TECPR2: variants seen among roughly 807,000 people sequenced by gnomAD.
The protein encoded by TECPR2 is tectonin beta-propeller repeat-containing protein 2.
Under a neutral mutation model 138.1 loss-of-function variants are expected in TECPR2, and 65 were observed. That is an observed-to-expected ratio of 0.47 (90% CI 0.39 to 0.58). TECPR2 has a LOEUF of 0.58. TECPR2 is among the 20% of genes least tolerant of loss of function. The pLI is 0.00. For missense variants in TECPR2, 1,553 were observed against 1,824.5 expected (o/e 0.85, Z 2.71); for synonymous variants, 746 against 749.8 (o/e 0.99, Z 0.08).
chr14:102,377,383 C>A (rs1394105125), intron 2 of TECPR2, among the ~76,000 whole-genome samples: 1 of 152,198 alleles, frequency 6.6e-6, no homozygotes, highest in Non-Finnish European at 1.5e-5. Context: ...TGGTCTTGAA[C>A]TCCTCGGCTC....
chr14:102,481,001 C>T (rs1298375033), intron 17 of TECPR2, among the ~76,000 whole-genome samples: 2 of 150,422 alleles, frequency 1.3e-5, no homozygotes, highest in African/African-American at 2.4e-5. Flanking sequence ...CCCGCCACCA[C>T]GCCTGGCTAA....
rs899198251 is a variant in TECPR2 at position 102,500,231 on chromosome 14, G to A, written c.*1974G>A. On this transcript the variant is annotated 3_prime_UTR_variant, in exon 20 of 20. Coordinates refer to ENST00000359520, the MANE Select transcript of TECPR2 (RefSeq NM_014844.5). Reference sequence around the variant, plus strand: ...AGAAGTGTCCTCAGCCGACACTCACGAGGGCAGTGCAAGGGAGAACCTGCC... The same window carrying A: ...AGAAGTGTCCTCAGCCGACACTCACAAGGGCAGTGCAAGGGAGAACCTGCC... The A allele has an allele frequency of 1.3e-5, 2 of 152,494 alleles. No individual in the cohort carries two copies. The highest frequency in any genetic ancestry group is 1.9e-4 in the East Asian group (1 of 5,202). 9.4% of individuals were successfully genotyped at this position (152,494 alleles called of 1,614,324 possible).
chr14:102,453,820 CAA>C (rs559709458), intron 16 of TECPR2, among the ~76,000 whole-genome samples: 19 of 56,464 alleles, frequency 3.4e-4, no homozygotes, highest in Admixed American at 5.6e-4. Flanking sequence ...ATGTACTCAC[CAA>C]AAAAAAAAAA....
intron 12 of TECPR2, 149 bp from the exon 13 acceptor site, chr14:102,445,657 C>A: frequency 2.0e-6 from 2 of 1,000,074 alleles, no homozygotes; most frequent in Non-Finnish European, 1.4e-6. Context: ...CAGACCCAAA[C>A]TTCCTTCCCT....
intron 2 of TECPR2, among the ~76,000 whole-genome samples, chr14:102,398,719 G>A (rs1206491499): frequency 6.6e-6 from 1 of 152,084 alleles, no homozygotes; most frequent in Non-Finnish European, 1.5e-5. Context: ...GCCGGGCGAG[G>A]TGGCATTTGC....
Position 102,499,575 on chromosome 14 carries a change from A to G in TECPR2, c.*1318A>G. On this transcript the variant is annotated 3_prime_UTR_variant, in exon 20 of 20. Transcript: ENST00000359520. ...TGCCTTCTGCGGGGTATGGGTTGAC[A>G]CTTGACAGGTTGAAACCAGTGCCTC... The G allele has an allele frequency of 6.4e-6, 2 of 311,964 alleles. 1 individual carries two copies. The highest frequency in any genetic ancestry group is 7.2e-5 in the South Asian group (2 of 27,962). 19.3% of individuals were successfully genotyped at this position (311,964 alleles called of 1,614,324 possible).
At chr14:102,477,934 C>CAAAA (rs1188082616) in intron 17 of TECPR2, among the ~76,000 whole-genome samples, 17 of 44,586 alleles carry the variant, frequency 3.8e-4, no homozygotes, top group African/African-American at 1.2e-3. Context: ...GACTCCGTCT[C>CAAAA]AAAAAAAAAA....
Position 102,376,637 on chromosome 14 carries a change from C to A in TECPR2, c.-72-13C>A. The stretch of plus-strand genomic sequence containing the variant: ...ACTAGGCATTGAAAGGATTGTAATG[C>A]TTTGTTCTGTAGCCCCCAGGTTTCC... On this transcript the variant is annotated splice_polypyrimidine_tract_variant and intron_variant, in intron 1 of 19. Transcript: ENST00000359520. 1.6e-6 allele frequency: 2 copies of A among 1,252,552 alleles called. No individual in the cohort carries two copies. The highest frequency in any genetic ancestry group is 2.3e-6 in the Non-Finnish European group (2 of 870,030). 77.6% of individuals were successfully genotyped at this position (1,252,552 alleles called of 1,614,324 possible).
intron 2 of TECPR2, among the ~76,000 whole-genome samples, chr14:102,390,873 T>A (rs1235969044): frequency 6.6e-6 from 1 of 152,012 alleles, no homozygotes; most frequent in Admixed American, 6.6e-5. Context: ...CAATGTAAAA[T>A]AATAAATTGG....
chr14:102,462,651 C>T lies in TECPR2; in HGVS notation c.3641-2490C>T, dbSNP rs557762445. Among the ~76,000 whole-genome samples, 19 of 152,312 alleles carry T rather than the reference C, an allele frequency of 1.2e-4. No individual in the cohort carries two copies. In the South Asian group the frequency reaches 3.9e-3, roughly 32 times the overall value. On this transcript the variant is annotated intron_variant, in intron 16 of 19. Transcript: ENST00000359520. ...GCACCCAGTGTGGGGCGTCCTCCACCTGCCCCTCTCCAGCAGCACCACCAG... is the reference window on the plus strand; with the variant it reads ...GCACCCAGTGTGGGGCGTCCTCCACTTGCCCCTCTCCAGCAGCACCACCAG...
intron 2 of TECPR2, among the ~76,000 whole-genome samples, chr14:102,401,021 A>G (rs1020282907): frequency 3.3e-5 from 5 of 151,960 alleles, no homozygotes; most frequent in African/African-American, 1.2e-4. Context: ...CAACAGAGTG[A>G]GACTCGTCGC....
chr14:102,432,261 G>A, intron 8 of TECPR2, 133 bp downstream of exon 8: 3 of 887,146 alleles, frequency 3.4e-6, no homozygotes, highest in South Asian at 2.1e-5. Context: ...CTTCCCCAAA[G>A]GAGTTTTACT....
intron 13 of TECPR2, among the ~76,000 whole-genome samples, chr14:102,447,517 T>A (rs1028524295): frequency 6.6e-6 from 1 of 152,166 alleles, no homozygotes; most frequent in Non-Finnish European, 1.5e-5. Flanking sequence ...TCACTGATAG[T>A]CGATGGTCGT....
Position 102,431,789 on chromosome 14 carries a change from T to C in TECPR2, c.1085-7T>C. The stretch of plus-strand genomic sequence containing the variant: ...ACCAGTGGTAAAACCAGACTCTTCT[T>C]TCTTAGTGAGAGATGGTCTGGAGAT... On this transcript the variant is annotated splice_region_variant and splice_polypyrimidine_tract_variant and intron_variant, in intron 7 of 19. Transcript: ENST00000359520. 6.5e-7 allele frequency: 1 copy of C among 1,540,646 alleles called. No individual in the cohort carries two copies. Among genetic ancestry groups the C allele is most frequent in the Non-Finnish European group, 8.8e-7 (1 of 1,139,614 alleles).
intron 2 of TECPR2, among the ~76,000 whole-genome samples, chr14:102,393,417 T>C (rs908793741): frequency 2.6e-5 from 4 of 152,206 alleles, no homozygotes; most frequent in African/African-American, 9.6e-5. Flanking sequence ...TCAATAACTA[T>C]GACATTTATT....
chr14:102,392,009 A>G (rs1888189392), intron 2 of TECPR2, among the ~76,000 whole-genome samples: 1 of 152,028 alleles, frequency 6.6e-6, no homozygotes, highest in South Asian at 2.1e-4. Flanking sequence ...TTTGTTTTAG[A>G]CAGAGTTTCA....
rs916949740 is a variant in TECPR2 at position 102,429,780 on chromosome 14, G to A, written c.1084+1398G>A. Among the ~76,000 whole-genome samples, 8 of 152,188 alleles carry A rather than the reference G, an allele frequency of 5.3e-5. No individual in the cohort carries two copies. In the East Asian group the frequency reaches 7.7e-4, roughly 15 times the overall value. On this transcript the variant is annotated intron_variant, in intron 7 of 19. Coordinates refer to ENST00000359520, the MANE Select transcript of TECPR2 (RefSeq NM_014844.5). ...AAGGGTTAGAATGGCTTTCAGGAAG[G>A]GTGGTGACTTGGAGCCACCAGGCTA...
chr14:102,477,895 A>G (rs1317845410), intron 17 of TECPR2, among the ~76,000 whole-genome samples: 2 of 128,874 alleles, frequency 1.6e-5, no homozygotes, highest in African/African-American at 6.1e-5. Context: ...AGATCGCACC[A>G]CTGCACTCCA....
chr14:102,434,886 C>G lies in TECPR2; in HGVS notation c.2069C>G (p.Ser690Cys). ...GACATCCTAACCAGCATGGAGGCCT[C>G]TGGCCACCTCAGCACAAATCTCTGG... ...EQDILTSMEA[S>C]GHLSTNLWHA... The change falls in exon 9 of 20, where the codon TCT becomes TGT. Residue 690 changes from serine to cysteine, a missense_variant. Transcript: ENST00000359520. The G allele has an allele frequency of 6.2e-7, 1 of 1,613,760 alleles. No homozygotes were observed. The highest frequency in any genetic ancestry group is 8.5e-7 in the Non-Finnish European group (1 of 1,180,044).
Sources: allele counts gnomAD v4.1 joint callset (sites outside exome capture counted in the v4.1 genomes callset), GRCh38; gene constraint gnomAD v4.1.1; transcripts MANE v1.5; gene names NCBI Gene and HGNC (gene_info 2026-07-23, HGNC 2026-07-21).